SMARCAL1: variants seen among roughly 807,000 people sequenced by gnomAD.
SMARCAL1 encodes ATP-driven annealing helicase.
A neutral mutation model predicts 94.5 loss-of-function variants in SMARCAL1; 58 were observed. The ratio of observed to expected loss-of-function variants is 0.61; its 90% CI spans 0.50 to 0.76. SMARCAL1 has a LOEUF of 0.76. Among genes scored for constraint, SMARCAL1 ranks in the 30% least tolerant of loss-of-function variants. The pLI, the probability that SMARCAL1 is intolerant of heterozygous loss-of-function variation, is 0.00. For missense variants in SMARCAL1, 1,051 were observed against 1,177.9 expected (o/e 0.89, Z 1.58); for synonymous variants, 422 against 455.1 (o/e 0.93, Z 0.93).
intron 7 of SMARCAL1, among the ~76,000 whole-genome samples, chr2:216,430,846 A>G (rs1420537196): frequency 6.6e-6 from 1 of 152,252 alleles, no homozygotes; most frequent in Non-Finnish European, 1.5e-5. Flanking sequence ...TTTGTAAATC[A>G]GAAAGTGAGG....
intron 8 of SMARCAL1, among the ~76,000 whole-genome samples, chr2:216,435,038 A>G (rs1694050373): frequency 6.6e-6 from 1 of 151,800 alleles, no homozygotes; most frequent in African/African-American, 2.4e-5. Flanking sequence ...TTGTATTTTT[A>G]GTAGAGATGG....
chr2:216,464,568 C>G, intron 12 of SMARCAL1, 29 bp from the exon 13 acceptor site: 1 of 1,558,114 alleles, frequency 6.4e-7, no homozygotes, highest in Non-Finnish European at 8.9e-7. Flanking sequence ...GACTGGGGCA[C>G]TTAACATTCT....
At chr2:216,455,228 G>A (rs968604477) in intron 12 of SMARCAL1, among the ~76,000 whole-genome samples, 8 of 152,178 alleles carry the variant, frequency 5.3e-5, no homozygotes, top group African/African-American at 1.4e-4. Context: ...GGAGCCCACC[G>A]CAGCTCAAGG....
chr2:216,438,695 T>G (rs1694131304), intron 10 of SMARCAL1, among the ~76,000 whole-genome samples: 2 of 152,150 alleles, frequency 1.3e-5, no homozygotes, highest in African/African-American at 4.8e-5. Flanking sequence ...AAGGAACTAG[T>G]AGGCAGTACT....
chr2:216,468,475 G>A lies in SMARCAL1; in HGVS notation c.2244+429G>A, dbSNP rs146315987. On this transcript the variant is annotated intron_variant, in intron 14 of 17. Transcript: ENST00000357276. The stretch of plus-strand genomic sequence containing the variant: ...TCCACATGGCAGTGTGCAGACATTA[G>A]TAGAGAGTTTTATGGCTCTCCTGAA... Among the ~76,000 whole-genome samples, 3 of 152,298 alleles carry A rather than the reference G, an allele frequency of 2.0e-5. No homozygotes were observed. In the East Asian group the frequency reaches 5.8e-4, roughly 29 times the overall value.
chr2:216,446,882 C>A, intron 10 of SMARCAL1, 136 bp from the exon 11 acceptor site: 1 of 925,686 alleles, frequency 1.1e-6, no homozygotes, highest in Non-Finnish European at 1.7e-6. Context: ...CTTGCATTGG[C>A]AATGCCATTA....
rs1348218068 is a variant in SMARCAL1 at position 216,447,001 on chromosome 2, G to A, written c.1711-17G>A. Reference sequence around the variant, plus strand: ...TCCTCCCTGTGTTCAGAGCACCTTTGGCTGTTTGTCTTTTAGGTTGCCAAG... The same window carrying A: ...TCCTCCCTGTGTTCAGAGCACCTTTAGCTGTTTGTCTTTTAGGTTGCCAAG... On this transcript the variant is annotated splice_polypyrimidine_tract_variant and intron_variant, in intron 10 of 17. Transcript: ENST00000357276. The A allele has an allele frequency of 6.2e-7, 1 of 1,613,904 alleles. No individual in the cohort carries two copies. The highest frequency in any genetic ancestry group is 1.7e-5 in the Admixed American group (1 of 59,998).
At chr2:216,474,291 C>T (rs1219467724) in intron 14 of SMARCAL1, among the ~76,000 whole-genome samples, 2 of 149,832 alleles carry the variant, frequency 1.3e-5, no homozygotes, top group African/African-American at 2.4e-5. Context: ...AGGCGCACAC[C>T]AGCACATCTG....
chr2:216,454,413 G>C (rs758674996), intron 12 of SMARCAL1, among the ~76,000 whole-genome samples: 1 of 152,146 alleles, frequency 6.6e-6, no homozygotes, highest in African/African-American at 2.4e-5. Flanking sequence ...GGTGCTTTAC[G>C]TGTATTGCGT....
At position 216,426,248 on chromosome 2, in the gene SMARCAL1, C is replaced by A. The variant is rs562595010; in HGVS notation, c.1148-2348C>A. ...CAACCAGGAAACACACACATGTTAGCTATAAAGTCTTTGACTTTTATGGAA... is the reference window on the plus strand; with the variant it reads ...CAACCAGGAAACACACACATGTTAGATATAAAGTCTTTGACTTTTATGGAA... On this transcript the variant is annotated intron_variant, in intron 6 of 17. Coordinates refer to ENST00000357276, the MANE Select transcript of SMARCAL1 (RefSeq NM_014140.4). Among the ~76,000 whole-genome samples the A allele has an allele frequency of 3.3e-5, 5 of 152,334 alleles. No individual in the cohort carries two copies. The East Asian group carries it at 9.6e-4, about 29-fold the overall frequency.
chr2:216,417,846 C>T (rs1693633711), intron 4 of SMARCAL1, among the ~76,000 whole-genome samples: 1 of 152,138 alleles, frequency 6.6e-6, no homozygotes, highest in Non-Finnish European at 1.5e-5. Context: ...TGTCTTTTTA[C>T]TCTTGTTCTG....
intron 10 of SMARCAL1, among the ~76,000 whole-genome samples, chr2:216,444,829 T>C (rs1250336342): frequency 6.6e-6 from 1 of 152,184 alleles, no homozygotes; most frequent in African/African-American, 2.4e-5. Flanking sequence ...CTCTTAATTT[T>C]AAAACTATGT....
At chr2:216,437,044 G>A (rs149454394) in intron 9 of SMARCAL1, among the ~76,000 whole-genome samples, 10 of 152,350 alleles carry the variant, frequency 6.6e-5, no homozygotes, top group Admixed American at 6.5e-4. Flanking sequence ...CTTCAGTTAA[G>A]TAAGAGCTCT....
chr2:216,472,736 T>C (rs1270424486), intron 14 of SMARCAL1, among the ~76,000 whole-genome samples: 2 of 150,972 alleles, frequency 1.3e-5, no homozygotes, highest in African/African-American at 4.9e-5. Flanking sequence ...AATTAAAAGA[T>C]AACGAAAACA....
At chr2:216,422,854 T>A (rs192006670) in intron 5 of SMARCAL1, among the ~76,000 whole-genome samples, 1 of 152,212 alleles carries the variant, frequency 6.6e-6, no homozygotes, top group Non-Finnish European at 1.5e-5. Context: ...TCAGCCACCA[T>A]TGGGTAGAAA....
intron 11 of SMARCAL1, among the ~76,000 whole-genome samples, chr2:216,449,086 T>C (rs1694384493): frequency 6.6e-6 from 1 of 152,198 alleles, no homozygotes; most frequent in Non-Finnish European, 1.5e-5. Flanking sequence ...TTGCTCTTCA[T>C]AACATGGCAG....
intron 10 of SMARCAL1, among the ~76,000 whole-genome samples, chr2:216,444,138 G>C (rs1694255916): frequency 6.6e-6 from 1 of 152,184 alleles, no homozygotes; most frequent in South Asian, 2.1e-4. Flanking sequence ...CCACATCAGG[G>C]TTACTGAGTA....
At chr2:216,446,664 T>C (rs1409769912) in intron 10 of SMARCAL1, 1 of 473,490 alleles carries the variant, frequency 2.1e-6, no homozygotes, top group South Asian at 1.5e-5. Flanking sequence ...TTTTGCAGCA[T>C]ACGGTGAACA....
intron 13 of SMARCAL1, 41 bp downstream of exon 13, chr2:216,464,708 T>C: frequency 1.9e-6 from 2 of 1,055,654 alleles, no homozygotes; most frequent in Admixed American, 4.1e-5. Flanking sequence ...TCTCTCATCT[T>C]CAAAAAAAAA....
Sources: allele counts gnomAD v4.1 joint callset (sites outside exome capture counted in the v4.1 genomes callset), GRCh38; gene constraint gnomAD v4.1.1; transcripts MANE v1.5; gene names NCBI Gene and HGNC (gene_info 2026-07-23, HGNC 2026-07-21).